The following PDE12 variants were observed in gnomAD, a reference collection of about 807,000 sequenced individuals.
The protein encoded by PDE12 is phosphodiesterase 12, also known as 2',5'-phosphodiesterase 12.
A neutral mutation model predicts 45.4 loss-of-function variants in PDE12; 26 were observed. The ratio of observed to expected loss-of-function variants is 0.57; its 90% confidence interval spans 0.42 to 0.79. PDE12 has a LOEUF of 0.79. Among genes scored for constraint, PDE12 ranks in the 30% least tolerant of loss-of-function variants. PDE12 has a pLI of 0.00. For missense variants in PDE12, 668 were observed against 790.0 expected, an observed-to-expected ratio of 0.85 and a Z score of 1.85; for synonymous variants, 283 against 323.9, an observed-to-expected ratio of 0.87 and a Z score of 1.36.
In PDE12 at chr3:57,556,599, G is replaced by C. The variant is rs375166185; in HGVS notation, c.220G>C (p.Val74Leu). Residue 74 changes from valine (V) to leucine (L), a missense_variant, in exon 1 of 3, where the codon GTC becomes CTC. Physicochemically the swap from Val to Leu is conservative, Grantham distance 32. Transcript: ENST00000311180. This position sits in a 1 kb window ranked among gnomAD's most constrained non-coding sequence, Gnocchi z 5.0. Reference protein sequence around the residue: ...QRDQSEPLGRVLSRIATNALK... With the variant: ...QRDQSEPLGRLLSRIATNALK... ...CGACCAGAGCGAGCCGCTGGGTCGA[G>C]TCCTCAGCCGCATCGCTACCAATGC... is the stretch of plus-strand genomic sequence containing the variant. The C allele has an allele frequency of 1.2e-6, 2 of 1,612,442 alleles. No homozygotes were observed. The highest frequency in any genetic ancestry group is 8.5e-7 in the Non-Finnish European group (1 of 1,179,262).
At chr3:57,571,975 T>C in the PDE12 span, 18 of 454,060 alleles carry the variant, frequency 4.0e-5, no homozygotes, top group South Asian at 5.0e-4. Flanking sequence ...TTTACGCTTA[T>C]GGGAAGTAAA....
At position 57,565,382 on chromosome 3, in the gene PDE12, T is replaced by C. The variant is rs2069775515; in HGVS notation, c.*5378T>C. 1 of 152,244 alleles carries C rather than the reference T, an allele frequency of 6.6e-6. No homozygotes were observed. 9.4% of individuals were successfully genotyped at this position (152,244 alleles called of 1,614,324 possible). On this transcript the variant is annotated 3_prime_UTR_variant, in exon 3 of 3. Coordinates refer to ENST00000311180, the MANE Select transcript of PDE12 (RefSeq NM_177966.7). ...ATTTTATGGGTACATAGTAGGTGTA[T>C]ATATTTATGTGGGACATATTTCTTT...
Position 57,557,755 on chromosome 3 carries a change from G to C in PDE12, c.1308+68G>C, listed in dbSNP as rs1183758816. 7.1e-6 allele frequency: 10 copies of C among 1,410,170 alleles called. No individual in the cohort carries two copies. In the African/African-American group the frequency reaches 1.0e-4, roughly 14 times the overall value. 87.4% of individuals were successfully genotyped at this position (1,410,170 alleles called of 1,614,324 possible). On this transcript the variant is annotated intron_variant, in intron 1 of 2. Transcript: ENST00000311180. ...TAGGGGCCAGGAAGGCGAGGAATGA[G>C]GTGGGGGTTAAAAGTGCGATGAAAG... is the stretch of plus-strand genomic sequence containing the variant.
At chr3:57,634,426 C>G in the PDE12 span, 11 of 371,548 alleles carry the variant, frequency 3.0e-5, no homozygotes, top group Non-Finnish European at 4.7e-5. Context: ...GAGTGAGACT[C>G]TGTCTCCCAA....
the PDE12 span, among the ~76,000 whole-genome samples, chr3:57,587,439 C>A: frequency 2.7e-3 from 405 of 151,018 alleles, 6 homozygotes; most frequent in African/African-American, 9.6e-3. Flanking sequence ...GTAGGTAATC[C>A]AAGTTTTCTT....
chr3:57,561,987 G>T lies in PDE12; in HGVS notation c.*1983G>T. 1.0e-6 allele frequency: 1 copy of T among 984,176 alleles called. No homozygotes were observed. Among genetic ancestry groups the T allele is most frequent in the Non-Finnish European group, 1.2e-6 (1 of 828,872 alleles). 61.0% of individuals were successfully genotyped at this position (984,176 alleles called of 1,614,324 possible). ...GCCTTCCTAAATAACATTTTTGAGA[G>T]CATTTTAACAGCAGTTTACAAATAT... On this transcript the variant is annotated 3_prime_UTR_variant, in exon 3 of 3. Transcript: ENST00000311180.
the PDE12 span, chr3:57,597,211 G>T: frequency 6.9e-7 from 1 of 1,447,482 alleles, no homozygotes; most frequent in Non-Finnish European, 9.6e-7. Flanking sequence ...CTCCTTTCAA[G>T]CTCCCAGGCA....
chr3:57,635,854 ACC>A, the PDE12 span, among the ~76,000 whole-genome samples: 1 of 152,072 alleles, frequency 6.6e-6, no homozygotes, highest in Non-Finnish European at 1.5e-5. Context: ...TGCCTCTGCC[ACC>A]CCTGAGTTAG....
the PDE12 span, chr3:57,625,323 T>TGTACTTTGTA: frequency 6.6e-6 from 1 of 152,336 alleles, no homozygotes; most frequent in Admixed American, 6.5e-5. Flanking sequence ...CACAGGGTTT[T>TGTACTTTGTA]CATTTGAAGT....
chr3:57,634,253 T>G, the PDE12 span, among the ~76,000 whole-genome samples: 1 of 141,346 alleles, frequency 7.1e-6, no homozygotes, highest in Non-Finnish European at 1.6e-5. Flanking sequence ...GCCAACATGG[T>G]GAAACCCCGT....
the PDE12 span, among the ~76,000 whole-genome samples, chr3:57,602,924 G>A: frequency 1.3e-5 from 2 of 152,186 alleles, no homozygotes; most frequent in Non-Finnish European, 2.9e-5. Context: ...AGTGGCTCAT[G>A]CCTGTAATCC....
the PDE12 span, among the ~76,000 whole-genome samples, chr3:57,573,555 G>A: frequency 6.6e-6 from 1 of 152,154 alleles, no homozygotes; most frequent in Non-Finnish European, 1.5e-5. Flanking sequence ...ATCATTTACA[G>A]TTAGTGTTGC....
the PDE12 span, among the ~76,000 whole-genome samples, chr3:57,594,670 T>C: frequency 1.3e-5 from 2 of 152,232 alleles, no homozygotes; most frequent in Non-Finnish European, 2.9e-5. Context: ...TCCTTTATAC[T>C]TTAAAATGGT....
chr3:57,631,240 AG>A, the PDE12 span: 49 of 360,690 alleles, frequency 1.4e-4, no homozygotes, highest in African/African-American at 9.8e-4. Flanking sequence ...TCTGTTGCGC[AG>A]GCTGGAGTGC....
the PDE12 span, among the ~76,000 whole-genome samples, chr3:57,653,663 T>G: frequency 2.6e-5 from 4 of 151,068 alleles, no homozygotes; most frequent in Admixed American, 6.6e-5. Flanking sequence ...GGAGAATTGC[T>G]TGAACCCAGG....
the PDE12 span, among the ~76,000 whole-genome samples, chr3:57,591,645 T>G: frequency 6.6e-6 from 1 of 152,038 alleles, no homozygotes; most frequent in Non-Finnish European, 1.5e-5. Flanking sequence ...TTTTGTATTT[T>G]GAGTATAGAT....
the PDE12 span, chr3:57,577,423 A>G: frequency 3.3e-6 from 5 of 1,529,970 alleles, no homozygotes; most frequent in African/African-American, 5.5e-5. Flanking sequence ...TTTAACAGTT[A>G]AACGACACTC....
At chr3:57,632,723 T>TAGG in the PDE12 span, among the ~76,000 whole-genome samples, 1 of 152,212 alleles carries the variant, frequency 6.6e-6, no homozygotes, top group Non-Finnish European at 1.5e-5. Flanking sequence ...TACTTTAATA[T>TAGG]GACATCCTTC....
rs1008402909 is a variant in PDE12 at position 57,563,964 on chromosome 3, A to G, written c.*3960A>G. ...CAGCTTTAACTGACATGGGTAATAT[A>G]TAAGTTCTGTGTTCTCACTTTATAT... On this transcript the variant is annotated 3_prime_UTR_variant, in exon 3 of 3. Coordinates refer to ENST00000311180, the MANE Select transcript of PDE12 (RefSeq NM_177966.7). 1.1e-4 allele frequency: 16 copies of G among 152,252 alleles called. No individual in the cohort carries two copies. The highest frequency in any genetic ancestry group is 3.9e-4 in the African/African-American group (16 of 41,468). 9.4% of individuals were successfully genotyped at this position (152,252 alleles called of 1,614,324 possible).
Sources: gnomAD v4.1 joint callset for allele counts (sites outside exome capture counted in the v4.1 genomes callset) on GRCh38, gnomAD v4.1.1 for gene constraint, Gnocchi (gnomAD v3.1) non-coding constraint, MANE v1.5 for transcripts, NCBI Gene and HGNC (gene_info 2026-07-23, HGNC 2026-07-21) for gene names.